The following STARD13 variants were observed in gnomAD, a reference collection of about 807,000 sequenced individuals.
STARD13 encodes StAR related lipid transfer domain containing 13, also known as stAR-related lipid transfer protein 13.
A neutral mutation model predicts 106.4 loss-of-function variants in STARD13; 62 were observed. The ratio of observed to expected loss-of-function variants is 0.58; its 90% CI spans 0.48 to 0.72. The LOEUF (loss-of-function observed/expected upper bound fraction) is 0.72, where lower values mean the gene tolerates loss of function less well. Ranked by LOEUF, STARD13 falls within the 30% of genes least tolerant of loss-of-function variation. The pLI is 0.00. For missense variants in STARD13, 1,387 were observed against 1,424.0 expected (o/e 0.97, Z 0.42); for synonymous variants, 565 against 553.0 (o/e 1.02, Z -0.31).
intron 1 of STARD13, among the ~76,000 whole-genome samples, chr13:33,326,553 T>G (rs2077777732): frequency 6.6e-6 from 1 of 152,210 alleles, no homozygotes; most frequent in Admixed American, 6.5e-5. Context: ...GATATAATGG[T>G]GTTTTCGAAG....
chr13:33,114,870 T>A (rs905015305), intron 8 of STARD13, among the ~76,000 whole-genome samples: 3 of 152,104 alleles, frequency 2.0e-5, no homozygotes, highest in Non-Finnish European at 4.4e-5. Context: ...AATACCTAAA[T>A]TCAGCATTTG....
chr13:33,118,198 G>T lies in STARD13; in HGVS notation c.2148C>A (p.Asn716Lys), dbSNP rs147008159. 1,864 of 1,614,168 alleles carry T rather than the reference G, an allele frequency of 1.2e-3. 4 individuals are homozygous for T. The highest frequency in any genetic ancestry group is 1.5e-3 in the Non-Finnish European group (1,741 of 1,180,032). The change falls in exon 8 of 14, where the codon AAC becomes AAA. Residue 716 changes from asparagine to lysine, a missense_variant. Coordinates refer to ENST00000336934, the MANE Select transcript of STARD13 (RefSeq NM_178006.4). ...RIHALRQMNENFPENVNYEDQ... is the reference protein window; with the variant it reads ...RIHALRQMNEKFPENVNYEDQ... ...CTTCATAGTTGACGTTCTCAGGGAA[G>T]TTTTCATTCATTTGGCGAAGGGCAT...
chr13:33,150,237 A>G (rs1411263305), intron 3 of STARD13, among the ~76,000 whole-genome samples: 1 of 152,232 alleles, frequency 6.6e-6, no homozygotes, highest in African/African-American at 2.4e-5. Flanking sequence ...TAGTCAGGAT[A>G]GCAGAATTAT....
the STARD13 span, among the ~76,000 whole-genome samples, chr13:33,418,667 A>T: frequency 6.6e-6 from 1 of 152,188 alleles, no homozygotes; most frequent in Non-Finnish European, 1.5e-5. Flanking sequence ...GTGTAGCCAA[A>T]CTGGGAGACA....
At chr13:33,633,965 T>C in the STARD13 span, among the ~76,000 whole-genome samples, 8 of 152,212 alleles carry the variant, frequency 5.3e-5, no homozygotes, top group African/African-American at 1.9e-4. Context: ...ACATTTGTTT[T>C]TATCTTTCAG....
the STARD13 span, among the ~76,000 whole-genome samples, chr13:33,499,604 T>TTCTTCTTCTTCTTCTTCTTCTTCTTC: frequency 5.3e-4 from 21 of 39,904 alleles, 2 homozygotes; most frequent in African/African-American, 1.9e-3. Flanking sequence ...CTTCTTCTTC[T>TTCTTCTTCTTCTTCTTCTTCTTCTTC]TTCTTCTTCT....
At chr13:33,112,481 T>A (rs1435837724) in intron 9 of STARD13, among the ~76,000 whole-genome samples, 1 of 152,206 alleles carries the variant, frequency 6.6e-6, no homozygotes, top group East Asian at 1.9e-4. Context: ...TTTATCTCTC[T>A]TTATCATCTA....
the STARD13 span, among the ~76,000 whole-genome samples, chr13:33,373,440 C>T: frequency 6.6e-6 from 1 of 152,176 alleles, no homozygotes; most frequent in East Asian, 1.9e-4. Context: ...TGATTAGATA[C>T]CATTTGAAAG....
At chr13:33,599,407 C>A in the STARD13 span, among the ~76,000 whole-genome samples, 1 of 152,100 alleles carries the variant, frequency 6.6e-6, no homozygotes, top group South Asian at 2.1e-4. Flanking sequence ...CCTTTTATTT[C>A]TTTTGTTAAT....
At chr13:33,205,773 T>C in intron 1 of STARD13, 1 of 852,992 alleles carries the variant, frequency 1.2e-6, no homozygotes, top group African/African-American at 1.8e-5. Flanking sequence ...GTAACTGTTG[T>C]CTTTCCCACC....
chr13:33,539,574 A>G, the STARD13 span, among the ~76,000 whole-genome samples: 1 of 152,242 alleles, frequency 6.6e-6, no homozygotes, highest in African/African-American at 2.4e-5. Flanking sequence ...TAGAATAGAA[A>G]TTCAGAAGAT....
At chr13:33,656,123 GA>G in the STARD13 span, among the ~76,000 whole-genome samples, 4 of 152,090 alleles carry the variant, frequency 2.6e-5, no homozygotes, top group African/African-American at 7.2e-5. Flanking sequence ...GTATTCTAAT[GA>G]TTTTTTAAAA....
the STARD13 span, among the ~76,000 whole-genome samples, chr13:33,486,541 A>G: frequency 2.0e-5 from 3 of 152,224 alleles, no homozygotes; most frequent in African/African-American, 7.2e-5. Flanking sequence ...ATCTTATTGT[A>G]CTGTACCACT....
the STARD13 span, among the ~76,000 whole-genome samples, chr13:33,492,761 T>C: frequency 6.6e-6 from 1 of 152,232 alleles, no homozygotes; most frequent in African/African-American, 2.4e-5. Context: ...CTGCTCTGTC[T>C]ATGGACTAGC....
chr13:33,629,103 T>C, the STARD13 span, among the ~76,000 whole-genome samples: 1 of 152,346 alleles, frequency 6.6e-6, no homozygotes, highest in South Asian at 2.1e-4. Context: ...CTACTTCTTG[T>C]ATGTCTTGGG....
In STARD13 at chr13:33,105,722, G is replaced by T. The variant is rs373240959; in HGVS notation, c.3225-12C>A. The T allele has an allele frequency of 9.9e-5, 159 of 1,599,730 alleles. No individual in the cohort carries two copies. Among genetic ancestry groups the T allele is most frequent in the Non-Finnish European group, 1.3e-4 (157 of 1,167,006 alleles). ...CTGGGGAGTGACCTCTGTGGGGAAA[G>T]AAATCAGAAAGGAAGTGGGAAAGTT... On this transcript the variant is annotated splice_polypyrimidine_tract_variant and intron_variant, in intron 13 of 13. Coordinates refer to ENST00000336934, the MANE Select transcript of STARD13 (RefSeq NM_178006.4).
intron 4 of STARD13, among the ~76,000 whole-genome samples, chr13:33,139,191 T>C (rs1376625975): frequency 6.6e-6 from 1 of 152,216 alleles, no homozygotes; most frequent in Non-Finnish European, 1.5e-5. Context: ...CTTGCAGGTG[T>C]CAGGCCAAGG....
chr13:33,268,354 G>A (rs1377752359), intron 1 of STARD13, among the ~76,000 whole-genome samples: 1 of 152,128 alleles, frequency 6.6e-6, no homozygotes, highest in African/African-American at 2.4e-5. Context: ...CTAAGCTCGG[G>A]TATTTTCATC....
intron 1 of STARD13, among the ~76,000 whole-genome samples, chr13:33,316,627 G>A (rs1594254442): frequency 6.6e-6 from 1 of 152,296 alleles, no homozygotes; most frequent in Middle Eastern, 3.4e-3. Context: ...ATATTGCTAG[G>A]AGCTGAACTC....
Sources: allele counts gnomAD v4.1 joint callset (sites outside exome capture counted in the v4.1 genomes callset), GRCh38; gene constraint gnomAD v4.1.1; transcripts MANE v1.5; gene names NCBI Gene and HGNC (gene_info 2026-07-23, HGNC 2026-07-21).